The following CCNF variants were observed in gnomAD, a reference collection of about 807,000 sequenced individuals.
CCNF encodes cyclin-F.
In CCNF, 30 loss-of-function variants were observed where a neutral mutation model predicts 85.4. The observed-to-expected ratio is 0.35, with a 90% CI of 0.26 to 0.48. The LOEUF (loss-of-function observed/expected upper bound fraction) is 0.48, where lower values mean the gene tolerates loss of function less well. Ranked by LOEUF, CCNF falls within the 20% of genes least tolerant of loss-of-function variation. CCNF has a pLI of 0.99. For synonymous variants in CCNF, 439 were observed against 425.1 expected (o/e 1.03, Z -0.40); for missense variants, 919 against 1,010.4 (o/e 0.91, Z 1.23).
intron 2 of CCNF, among the ~76,000 whole-genome samples, chr16:2,432,524 A>T (rs1385339888): frequency 6.6e-6 from 1 of 152,140 alleles, no homozygotes; most frequent in Non-Finnish European, 1.5e-5. Context: ...GTTCTACCTG[A>T]GACCTCCATC....
At chr16:2,445,731 T>TTTG in intron 10 of CCNF, 109 bp downstream of exon 10, 1 of 1,032,740 alleles carries the variant, frequency 9.7e-7, no homozygotes, top group East Asian at 2.7e-5. Context: ...TTTGTGTTGT[T>TTTG]TTTTTTTTTT....
chr16:2,449,049 G>A (rs1174605861), intron 11 of CCNF, 71 bp downstream of exon 11: 1 of 1,501,224 alleles, frequency 6.7e-7, no homozygotes, highest in East Asian at 2.3e-5. Context: ...TGGGCATTCA[G>A]CTTTCCTGCT....
chr16:2,437,971 C>A, intron 5 of CCNF, 99 bp from the exon 6 acceptor site: 1 of 794,658 alleles, frequency 1.3e-6, no homozygotes, highest in Non-Finnish European at 2.3e-6. Flanking sequence ...GGCCAGACAG[C>A]AGGGCCATGG....
At chr16:2,431,964 G>A (rs1256387323) in intron 2 of CCNF, among the ~76,000 whole-genome samples, 1 of 151,562 alleles carries the variant, frequency 6.6e-6, no homozygotes, top group Non-Finnish European at 1.5e-5. Context: ...CCGAGTAGCT[G>A]GGACTACAGG....
Position 2,455,566 on chromosome 16 carries a change from T to C in CCNF, c.1885+2T>C. On this transcript the variant is annotated splice_donor_variant, in intron 16 of 16. Coordinates refer to ENST00000397066, the MANE Select transcript of CCNF (RefSeq NM_001761.3). LOFTEE classifies it high-confidence loss of function. ...GTGAGGGCGAGAAGGAGGGCGACGG[T>C]GAGTGTGGGGCCAGGGTGCACCAGA... 5 of 1,591,392 alleles carry C rather than the reference T, an allele frequency of 3.1e-6. No homozygotes were observed. Among genetic ancestry groups the C allele is most frequent in the Non-Finnish European group, 3.4e-6 (4 of 1,162,372 alleles).
intron 10 of CCNF, among the ~76,000 whole-genome samples, chr16:2,446,613 C>T (rs1441824106): frequency 6.6e-6 from 1 of 152,228 alleles, no homozygotes; most frequent in Non-Finnish European, 1.5e-5. Context: ...GCTTTCCAGA[C>T]CGACTCCTCT....
At position 2,435,623 on chromosome 16, in the gene CCNF, AC is replaced by A. The variant is rs1567383161; in HGVS notation, c.279-182del. ...TATATATATATATATGCACACACAC[AC>A]ACACATATATATGCACACACATATA... On this transcript the variant is annotated intron_variant, in intron 3 of 16. Transcript: ENST00000397066. Among the ~76,000 whole-genome samples, 72 of 11,170 alleles carry A rather than the reference AC, an allele frequency of 6.4e-3. No individual in the cohort carries two copies. The African/African-American group carries it at 0.13, about 20-fold the overall frequency. The allele number at this position is 11,170 out of a possible 152,430, so 7.3% of individuals were successfully genotyped here. A position where few individuals can be genotyped will look rare whatever the true frequency, so the allele number is the denominator to read the frequency against.
rs574725344 is a variant in CCNF, at chr16:2,441,005, G to A, written c.777+1179G>A. 4.6e-5 allele frequency among the ~76,000 whole-genome samples: 7 copies of A among 152,012 alleles called. No homozygotes were observed. The East Asian group carries it at 1.4e-3, about 29-fold the overall frequency. ...TGCCAGCACTTTGGGAGGCTGAGGCGGGCGGATCACGAGGTCAAGAGGTCG... is the reference window on the plus strand; with the variant it reads ...TGCCAGCACTTTGGGAGGCTGAGGCAGGCGGATCACGAGGTCAAGAGGTCG... On this transcript the variant is annotated intron_variant, in intron 8 of 16. Coordinates refer to ENST00000397066, the MANE Select transcript of CCNF (RefSeq NM_001761.3).
At chr16:2,438,279 G>A (rs2065302247) in intron 6 of CCNF, among the ~76,000 whole-genome samples, 156 bp downstream of exon 6, 1 of 152,202 alleles carries the variant, frequency 6.6e-6, no homozygotes. Context: ...GGGGACACAT[G>A]TGGGCCTGGC....
chr16:2,454,710 G>A lies in CCNF; in HGVS notation c.1716-685G>A, dbSNP rs184941836. ...GGGTGTCAGCACCGCCCAAGGCCAG[G>A]CCATTCCATGCAATCTGCCTGGCGC... On this transcript the variant is annotated intron_variant, in intron 15 of 16. Transcript: ENST00000397066. Among the ~76,000 whole-genome samples, 586 of 152,312 alleles carry A rather than the reference G, an allele frequency of 3.8e-3. 3 individuals are homozygous for A. Among genetic ancestry groups the A allele is most frequent in the Non-Finnish European group, 5.3e-3 (361 of 68,018 alleles).
intron 12 of CCNF, 59 bp downstream of exon 12, chr16:2,449,521 G>C: frequency 6.6e-7 from 1 of 1,521,004 alleles, no homozygotes; most frequent in Admixed American, 1.8e-5. Context: ...CATAGGAGGA[G>C]GCTGTGGGGA....
At position 2,454,161 on chromosome 16, in the gene CCNF, T is replaced by C. The variant is rs117246451; in HGVS notation, c.1715+624T>C. ...GGCAGGCACTGGGTGGCTGGGTCTT[T>C]CCTGTCAATATAGGACCAGGCAGGG... On this transcript the variant is annotated intron_variant, in intron 15 of 16. Transcript: ENST00000397066. Among the ~76,000 whole-genome samples, 3 of 152,284 alleles carry C rather than the reference T, an allele frequency of 2.0e-5. No homozygotes were observed. The East Asian group carries it at 5.8e-4, about 29-fold the overall frequency.
At chr16:2,441,897 A>C (rs1430734067) in intron 8 of CCNF, among the ~76,000 whole-genome samples, 2 of 137,724 alleles carry the variant, frequency 1.5e-5, no homozygotes, top group Non-Finnish European at 3.1e-5. Context: ...ATAAGAGTGC[A>C]CTTTTAAATG....
chr16:2,439,383 C>G lies in CCNF; in HGVS notation c.625C>G (p.Leu209Val), dbSNP rs2065308917. The change falls in exon 7 of 17, where the codon CTG becomes GTG. Residue 209 changes from leucine (L) to valine (V), a missense_variant. Physicochemically the swap from Leu to Val is conservative, Grantham distance 32. Transcript: ENST00000397066. ...DEEKQQQAHD[L>V]FEEAAHQGCL... ...GGAGAAGCAGCAGCAGGCCCATGAC[C>G]TGTTTGAGGAGGCTGCTCATCAGGG... 3 of 1,609,618 alleles carry G rather than the reference C, an allele frequency of 1.9e-6. No homozygotes were observed. The East Asian group carries it at 6.7e-5, about 36-fold the overall frequency.
rs1431528269 is a variant in CCNF, at chr16:2,456,531, C to T, written c.1886-14C>T. ...GGTGTGACATGACTTCCCTCCCCAC[C>T]AACCTTCCTGCAGTGACAGCTCCCA... On this transcript the variant is annotated splice_polypyrimidine_tract_variant and intron_variant, in intron 16 of 16. Coordinates refer to ENST00000397066, the MANE Select transcript of CCNF (RefSeq NM_001761.3). This position sits in a 1 kb window ranked among gnomAD's most constrained non-coding sequence, Gnocchi z 4.5. The T allele has an allele frequency of 6.6e-7, 1 of 1,511,796 alleles. No homozygotes were observed. The highest frequency in any genetic ancestry group is 1.4e-5 in the African/African-American group (1 of 71,956). 93.6% of individuals were successfully genotyped at this position (1,511,796 alleles called of 1,614,324 possible). A position where few individuals can be genotyped will look rare whatever the true frequency, so the allele number is the denominator to read the frequency against.
At chr16:2,429,565 G>A in intron 1 of CCNF, 68 bp downstream of exon 1, 2 of 1,216,406 alleles carry the variant, frequency 1.6e-6, no homozygotes, top group South Asian at 8.3e-5. Flanking sequence ...GGGGCGGACG[G>A]TGGGTCCCGC....
chr16:2,441,429 G>A (rs2065320575), intron 8 of CCNF, among the ~76,000 whole-genome samples: 2 of 152,056 alleles, frequency 1.3e-5, no homozygotes, highest in South Asian at 2.1e-4. Flanking sequence ...ATGCAACAAC[G>A]TAGTTCTCGT....
intron 16 of CCNF, among the ~76,000 whole-genome samples, chr16:2,455,924 C>A (rs929701349): frequency 3.3e-5 from 5 of 152,216 alleles, no homozygotes; most frequent in African/African-American, 4.8e-5. Context: ...GTAATCCCAG[C>A]AATTTGAGAG....
intron 7 of CCNF, 126 bp from the exon 8 acceptor site, chr16:2,439,623 A>G (rs938994822): frequency 2.1e-6 from 2 of 974,016 alleles, no homozygotes; most frequent in Non-Finnish European, 3.2e-6. Flanking sequence ...GGTACCCCCA[A>G]AAATGACTCC....
Sources: gnomAD v4.1 joint callset for allele counts (sites outside exome capture counted in the v4.1 genomes callset) on GRCh38, gnomAD v4.1.1 for gene constraint, Gnocchi (gnomAD v3.1) non-coding constraint, MANE v1.5 for transcripts, NCBI Gene and HGNC (gene_info 2026-07-23, HGNC 2026-07-21) for gene names.